The following HMCN1 variants were observed in gnomAD, a reference collection of about 807,000 sequenced individuals.
The protein encoded by HMCN1 is hemicentin-1.
HMCN1 carries 321 observed loss-of-function variants against 625.9 expected under a neutral mutation model. The observed-to-expected ratio is 0.51, with a 90% confidence interval of 0.47 to 0.56. The LOEUF is 0.56. HMCN1 is among the 20% of genes least tolerant of loss of function. The pLI, the probability that HMCN1 is intolerant of heterozygous loss-of-function variation, is 0.00. For synonymous variants in HMCN1, 2,425 were observed against 2,417.6 expected (o/e 1.00, Z -0.09); for missense variants, 6,588 against 6,887.3 (o/e 0.96, Z 1.54).
intron 106 of HMCN1, 54 bp downstream of exon 106, chr1:186,188,063 C>T (rs1202271180): frequency 6.2e-7 from 1 of 1,602,028 alleles, no homozygotes; most frequent in Non-Finnish European, 8.6e-7. Context: ...TCCTCCCACT[C>T]CTTGACCAAC....
intron 25 of HMCN1, 21 bp from the exon 26 acceptor site, chr1:186,000,024 A>G: frequency 6.4e-7 from 1 of 1,553,100 alleles, no homozygotes; most frequent in Non-Finnish European, 8.9e-7. Context: ...AAATATCACA[A>G]GACTTTAATT....
intron 74 of HMCN1, 125 bp from the exon 75 acceptor site, chr1:186,115,133 A>G (rs971206345): frequency 7.8e-6 from 11 of 1,405,476 alleles, no homozygotes; most frequent in Admixed American, 3.4e-5. Flanking sequence ...TAAAATTTGC[A>G]GAGTCTTGTT....
chr1:185,758,643 T>TAAAC (rs151162573), intron 1 of HMCN1, among the ~76,000 whole-genome samples: 7,184 of 152,056 alleles, frequency 0.047, 476 homozygotes, highest in African/African-American at 0.15. Flanking sequence ...TACAAACAAA[T>TAAAC]AAACAAACAC....
In HMCN1 at chr1:185,909,386, T is replaced by A. The variant is rs761314388; in HGVS notation, c.671T>A (p.Leu224Ter). 6.2e-7 allele frequency: 1 copy of A among 1,613,430 alleles called. No homozygotes were observed. The highest frequency in any genetic ancestry group is 1.1e-5 in the South Asian group (1 of 91,080). The change falls in exon 5 of 107, where the codon TTA (leucine) becomes TAA (stop). Residue 224 changes from leucine to a stop codon, truncating the protein, a stop_gained. Transcript: ENST00000271588. LOFTEE classifies it high-confidence loss of function. ...GTACAGGCCTCCAAAGTTCACCTTT[T>A]ATCCACAGATCATTTGGAACAGGCT... The part of the protein sequence containing the change: ...EAVQASKVHL[L>*]STDHLEQAVN...
intron 77 of HMCN1, among the ~76,000 whole-genome samples, chr1:186,118,565 G>A (rs978891540): frequency 5.3e-4 from 80 of 152,206 alleles, no homozygotes; most frequent in African/African-American, 1.7e-3. Flanking sequence ...TCTTCATACA[G>A]CATCATTCAC....
chr1:185,833,165 GT>G (rs1485441176), intron 1 of HMCN1, among the ~76,000 whole-genome samples: 1 of 152,120 alleles, frequency 6.6e-6, no homozygotes, highest in Non-Finnish European at 1.5e-5. Flanking sequence ...TTCTTCCACA[GT>G]TGTGCCAAGC....
intron 14 of HMCN1, among the ~76,000 whole-genome samples, chr1:185,967,635 C>A (rs557076697): frequency 2.0e-5 from 3 of 151,936 alleles, no homozygotes; most frequent in Admixed American, 2.0e-4. Flanking sequence ...CCACCAAGAG[C>A]AAATCTAGGG....
At chr1:185,958,977 T>C (rs1259114026) in intron 11 of HMCN1, among the ~76,000 whole-genome samples, 2 of 152,196 alleles carry the variant, frequency 1.3e-5, no homozygotes, top group Non-Finnish European at 2.9e-5. Flanking sequence ...TTACATAATA[T>C]ACTTTATAGT....
intron 1 of HMCN1, among the ~76,000 whole-genome samples, chr1:185,795,389 T>C (rs1658301923): frequency 6.6e-6 from 1 of 152,230 alleles, no homozygotes; most frequent in Non-Finnish European, 1.5e-5. Context: ...AGAAACCTTT[T>C]TTTCCCAAGA....
chr1:185,987,492 C>T lies in HMCN1; in HGVS notation c.2996C>T (p.Thr999Ile), dbSNP rs780299066. The T allele has an allele frequency of 6.2e-7, 1 of 1,613,980 alleles. No homozygotes were observed. Among genetic ancestry groups the T allele is most frequent in the Admixed American group, 1.7e-5 (1 of 60,026 alleles). Residue 999 changes from threonine (T) to isoleucine (I), a missense_variant, in exon 20 of 107, where the codon ACT (threonine) becomes ATT (isoleucine). Thr to Ile is a moderately conservative substitution (Grantham distance 89, BLOSUM62 -1). This residue lies in a region of HMCN1 where 4,628 missense variants were observed against 4,853.1 expected (regional missense o/e 0.95). Coordinates refer to ENST00000271588, the MANE Select transcript of HMCN1 (RefSeq NM_031935.3). The stretch of plus-strand genomic sequence containing the variant: ...AGTACAATTGAAGGCATTCCAGTAA[C>T]TTTACCATGCAAAGCAAGTGGAAAT... ...ILSTIEGIPV[T>I]LPCKASGNPK... is the part of the protein sequence containing the mutation.
At chr1:185,886,224 AAAG>A (rs1431208406) in intron 4 of HMCN1, among the ~76,000 whole-genome samples, 7 of 152,190 alleles carry the variant, frequency 4.6e-5, no homozygotes, top group African/African-American at 1.4e-4. Flanking sequence ...AGAAAAAAAA[AAAG>A]AGATGAGGGG....
At chr1:185,920,978 A>G (rs891990477) in intron 6 of HMCN1, among the ~76,000 whole-genome samples, 4 of 152,190 alleles carry the variant, frequency 2.6e-5, no homozygotes, top group Admixed American at 6.5e-5. Flanking sequence ...AAAGCTCTAC[A>G]TTATCTAAAG....
chr1:186,075,020 T>C, intron 53 of HMCN1, 129 bp downstream of exon 53: 2 of 771,150 alleles, frequency 2.6e-6, no homozygotes, highest in Non-Finnish European at 4.2e-6. Flanking sequence ...ATTGAAAATT[T>C]AGACTCGAGA....
intron 4 of HMCN1, among the ~76,000 whole-genome samples, chr1:185,876,468 T>C (rs930181869): frequency 6.6e-6 from 1 of 152,080 alleles, no homozygotes; most frequent in Non-Finnish European, 1.5e-5. Context: ...CTGTTTTTAG[T>C]TCTCTGCAAT....
At chr1:186,137,472 G>A in intron 87 of HMCN1, 26 bp from the exon 88 acceptor site, 1 of 1,609,634 alleles carries the variant, frequency 6.2e-7, no homozygotes, top group South Asian at 1.1e-5. Flanking sequence ...CAAAAGCTTA[G>A]ACAAAGTACA....
At chr1:185,913,765 A>T (rs980252003) in intron 6 of HMCN1, among the ~76,000 whole-genome samples, 7 of 152,162 alleles carry the variant, frequency 4.6e-5, no homozygotes, top group Non-Finnish European at 1.0e-4. Flanking sequence ...GCCTCACACA[A>T]ATATTCATTC....
chr1:185,846,007 G>T lies in HMCN1; in HGVS notation c.269-19G>T. On this transcript the variant is annotated intron_variant, in intron 1 of 106. Transcript: ENST00000271588. Reference sequence around the variant, plus strand: ...CATTGATTACTGTTTATTGACCTATGTTATTTTTATCTTCACAGAAATTGG... The same window carrying T: ...CATTGATTACTGTTTATTGACCTATTTTATTTTTATCTTCACAGAAATTGG... The T allele has an allele frequency of 6.5e-7, 1 of 1,545,212 alleles. No individual in the cohort carries two copies.
At chr1:186,082,447 T>C (rs1254166444) in intron 56 of HMCN1, among the ~76,000 whole-genome samples, 1 of 152,040 alleles carries the variant, frequency 6.6e-6, no homozygotes, top group African/African-American at 2.4e-5. Context: ...GCTGGCAGAG[T>C]TCCAAAAGAG....
Position 186,153,747 on chromosome 1 carries a change from T to G in HMCN1, c.15019-3T>G. ...ATCTTCAAATCCACATTGTTCTCCT[T>G]AGGATTACACAGAGGACTACATTCA... On this transcript the variant is annotated splice_polypyrimidine_tract_variant and splice_region_variant and intron_variant, in intron 96 of 106. Transcript: ENST00000271588. The G allele has an allele frequency of 6.2e-7, 1 of 1,612,716 alleles. No homozygotes were observed. The highest frequency in any genetic ancestry group is 1.7e-5 in the Admixed American group (1 of 60,024).
Sources: gnomAD v4.1 joint callset for allele counts (sites outside exome capture counted in the v4.1 genomes callset) on GRCh38, gnomAD v4.1.1 for gene constraint, gnomAD v4.1.1 regional missense constraint, MANE v1.5 for transcripts, NCBI Gene and HGNC (gene_info 2026-07-23, HGNC 2026-07-21) for gene names.